FGF14: variants seen among roughly 807,000 people sequenced by gnomAD.
FGF14 encodes the protein fibroblast growth factor 14.
Under a neutral mutation model 25.5 loss-of-function variants are expected in FGF14, and 5 were observed. That is an observed-to-expected ratio of 0.20 (90% confidence interval 0.10 to 0.41). The LOEUF (loss-of-function observed/expected upper bound fraction) is 0.41. Among genes scored for constraint, FGF14 ranks in the 10% least tolerant of loss-of-function variants. The pLI is 1.00. For missense variants in FGF14, 222 were observed against 320.1 expected (o/e 0.69, Z 2.34); for synonymous variants, 138 against 118.3 (o/e 1.17, Z -1.08).
At chr13:101,821,287 G>T (rs545308488) in intron 3 of FGF14, among the ~76,000 whole-genome samples, 1 of 152,070 alleles carries the variant, frequency 6.6e-6, no homozygotes, top group Non-Finnish European at 1.5e-5. Context: ...CATATTGATC[G>T]TGCAGCATTT....
chr13:102,165,808 A>G (rs1228457750), intron 1 of FGF14, among the ~76,000 whole-genome samples: 2 of 148,510 alleles, frequency 1.3e-5, no homozygotes, highest in Non-Finnish European at 3.0e-5. Context: ...CTTAAAGTAT[A>G]ATAATAATAA....
At chr13:102,013,082 G>T (rs114562601) in intron 1 of FGF14, among the ~76,000 whole-genome samples, 1 of 152,048 alleles carries the variant, frequency 6.6e-6, no homozygotes, top group East Asian at 1.9e-4. Context: ...TTGAGCCCAG[G>T]GGGTGAAGGA....
intron 3 of FGF14, among the ~76,000 whole-genome samples, chr13:101,794,513 A>G (rs2040413346): frequency 6.6e-6 from 1 of 152,054 alleles, no homozygotes; most frequent in Non-Finnish European, 1.5e-5. Flanking sequence ...TTGATACACG[A>G]ACTAATATCA....
intron 1 of FGF14, chr13:102,367,341 C>T (rs1247191628): frequency 6.6e-6 from 1 of 152,212 alleles, no homozygotes; most frequent in Non-Finnish European, 1.5e-5. Context: ...CATATGGGAG[C>T]TCCCTGGGGC....
chr13:102,126,933 G>T (rs1241605716), intron 1 of FGF14, among the ~76,000 whole-genome samples: 1 of 152,110 alleles, frequency 6.6e-6, no homozygotes, highest in African/African-American at 2.4e-5. Context: ...TTTAACTGTT[G>T]TCATTTTACA....
At chr13:101,929,581 A>T (rs1464724105) in intron 1 of FGF14, among the ~76,000 whole-genome samples, 3 of 152,146 alleles carry the variant, frequency 2.0e-5, no homozygotes, top group Non-Finnish European at 4.4e-5. Context: ...CAGTAGACCC[A>T]CTCAATTACC....
intron 1 of FGF14, among the ~76,000 whole-genome samples, chr13:102,348,346 T>C (rs576132393): frequency 6.6e-6 from 1 of 152,128 alleles, no homozygotes; most frequent in Non-Finnish European, 1.5e-5. Flanking sequence ...GGATACAGCA[T>C]GAGGGAAACT....
intron 1 of FGF14, among the ~76,000 whole-genome samples, chr13:102,039,919 T>C (rs892794877): frequency 1.6e-4 from 24 of 152,092 alleles, no homozygotes; most frequent in Non-Finnish European, 2.2e-4. Flanking sequence ...CTCATCACTC[T>C]GCAGCCTAAA....
intron 1 of FGF14, among the ~76,000 whole-genome samples, chr13:101,980,956 C>T (rs577136135): frequency 1.3e-5 from 2 of 152,170 alleles, no homozygotes; most frequent in South Asian, 2.1e-4. Flanking sequence ...AAAGAGGCCC[C>T]AGGGGCTGGG....
chr13:101,730,843 T>A (rs532318163), intron 3 of FGF14, among the ~76,000 whole-genome samples: 1 of 152,274 alleles, frequency 6.6e-6, no homozygotes, highest in East Asian at 1.9e-4. Context: ...GGCCTCTGAC[T>A]CAGGCTCTGT....
Position 102,140,043 on chromosome 13 carries a change from A to ACC in FGF14, c.208+261426_208+261427dup, listed in dbSNP as rs35520744. ...GCAGCTTTAGGTCAAACTCTTCAAGACCCCCCCCCCCCCTTACAGCAGTAA... is the reference window on the plus strand; with the variant it reads ...GCAGCTTTAGGTCAAACTCTTCAAGACCCCCCCCCCCCCCCTTACAGCAGTAA... On this transcript the variant is annotated intron_variant, in intron 1 of 4. Transcript: ENST00000376131. Among the ~76,000 whole-genome samples the ACC allele has an allele frequency of 3.8e-3, 317 of 82,444 alleles. 8 individuals are homozygous for ACC. The highest frequency in any genetic ancestry group is 4.5e-3 in the African/African-American group (91 of 20,136). 54.1% of individuals were successfully genotyped at this position (82,444 alleles called of 152,430 possible).
intron 1 of FGF14, among the ~76,000 whole-genome samples, chr13:102,075,639 T>C (rs1245782962): frequency 2.0e-5 from 3 of 152,230 alleles, no homozygotes; most frequent in African/African-American, 7.2e-5. Context: ...TTTATCATTA[T>C]TTTAGAGTGT....
At chr13:102,115,761 TA>T (rs2045439282) in intron 1 of FGF14, among the ~76,000 whole-genome samples, 1 of 151,956 alleles carries the variant, frequency 6.6e-6, no homozygotes, top group Non-Finnish European at 1.5e-5. Flanking sequence ...AGATCACTTG[TA>T]CACCAATCCT....
chr13:101,955,229 T>A (rs1163291105), intron 1 of FGF14, among the ~76,000 whole-genome samples: 1 of 152,238 alleles, frequency 6.6e-6, no homozygotes, highest in African/African-American at 2.4e-5. Flanking sequence ...AAAGTTGTTT[T>A]CTAAATGGAA....
chr13:102,292,240 T>C (rs1651380100), intron 1 of FGF14: 1 of 145,032 alleles, frequency 6.9e-6, no homozygotes, highest in African/African-American at 2.6e-5. Flanking sequence ...GGATGTCTCA[T>C]TTTACCTGCC....
At chr13:102,319,319 G>C (rs1402017371) in intron 1 of FGF14, among the ~76,000 whole-genome samples, 1 of 152,166 alleles carries the variant, frequency 6.6e-6, no homozygotes, top group Non-Finnish European at 1.5e-5. Context: ...GTTGGCAAAG[G>C]TTGGCAACTG....
chr13:101,898,223 A>G (rs2030998485), intron 1 of FGF14, among the ~76,000 whole-genome samples: 1 of 152,072 alleles, frequency 6.6e-6, no homozygotes, highest in South Asian at 2.1e-4. Context: ...GGGATCTTCA[A>G]ACAGTAAGAA....
chr13:102,359,507 A>C (rs972201003), intron 1 of FGF14, among the ~76,000 whole-genome samples: 5 of 152,172 alleles, frequency 3.3e-5, no homozygotes, highest in South Asian at 2.1e-4. Context: ...GCTAGTTTTC[A>C]CTTTTGCATT....
In FGF14 at chr13:101,877,548, C is replaced by A. The variant is rs536642266; in HGVS notation, c.194-2252G>T. ...TCTGATCACTCAGCTCTGGACCCTG[C>A]CCACTTAACTGCTACCTAATGCAGC... On this transcript the variant is annotated intron_variant, in intron 1 of 4. Coordinates refer to ENST00000376143, the MANE Select transcript of FGF14 (RefSeq NM_004115.4). Among the ~76,000 whole-genome samples the A allele has an allele frequency of 1.1e-4, 16 of 152,234 alleles. No individual in the cohort carries two copies. The South Asian group carries it at 2.9e-3, about 28-fold the overall frequency.
Sources: gnomAD v4.1 joint callset for allele counts (sites outside exome capture counted in the v4.1 genomes callset) on GRCh38, gnomAD v4.1.1 for gene constraint, MANE v1.5 for transcripts, NCBI Gene and HGNC (gene_info 2026-07-23, HGNC 2026-07-21) for gene names.